The following DDX54 variants were observed in gnomAD, a reference collection of about 807,000 sequenced individuals.
The protein encoded by DDX54 is ATP-dependent RNA helicase DDX54.
DDX54 carries 67 observed loss-of-function variants against 105.5 expected under a neutral mutation model. That is an observed-to-expected ratio of 0.64 (90% CI 0.52 to 0.78). The LOEUF is 0.78. Ranked by LOEUF, DDX54 falls within the 30% of genes least tolerant of loss-of-function variation. DDX54 has a pLI of 0.00. For synonymous variants in DDX54, 514 were observed against 509.9 expected, an observed-to-expected ratio of 1.01 and a Z score of -0.11; for missense variants, 1,206 against 1,230.5, an observed-to-expected ratio of 0.98 and a Z score of 0.30.
At position 113,174,587 on chromosome 12, in the gene DDX54, A is replaced by G. The variant is rs189892353; in HGVS notation, c.1068+53T>C. On this transcript the variant is annotated intron_variant, in intron 10 of 19. Coordinates refer to ENST00000306014, the MANE Select transcript of DDX54 (RefSeq NM_024072.4). Reference sequence around the variant, plus strand: ...CTCTAGTGACTGCACAGGGAACTGCAGCTCCAAACTCCAGCTGAAGGAGGT... The same window carrying G: ...CTCTAGTGACTGCACAGGGAACTGCGGCTCCAAACTCCAGCTGAAGGAGGT... 16 of 1,588,934 alleles carry G rather than the reference A, an allele frequency of 1.0e-5. No individual in the cohort carries two copies. In the African/African-American group the frequency reaches 1.2e-4, roughly 12 times the overall value.
rs1245390436 is a variant in DDX54 at position 113,178,993 on chromosome 12, T to G, written c.598A>C (p.Ile200Leu). 8.7e-6 allele frequency: 14 copies of G among 1,613,942 alleles called. No homozygotes were observed. The highest frequency in any genetic ancestry group is 5.3e-5 in the African/African-American group (4 of 74,896). ...GKFTGLKTAL[I>L]LGGDRMEDQF... Reference sequence around the variant, plus strand: ...GGACCTTACCTGTCTCCACCCAGGATCAGGGCAGTCTTGAGGCCAGTGAAC... The same window carrying G: ...GGACCTTACCTGTCTCCACCCAGGAGCAGGGCAGTCTTGAGGCCAGTGAAC... The change falls in exon 5 of 20, where the codon ATC (isoleucine) becomes CTC (leucine). Residue 200 changes from isoleucine to leucine, a missense_variant. Around this residue, in one of 3 missense-constraint regions of DDX54, gnomAD observed 961 missense variants for 1,019.1 expected, o/e 0.94. Transcript: ENST00000306014.
Position 113,161,879 on chromosome 12 carries a change from G to A in DDX54, c.2300+14C>T. 1 of 1,415,156 alleles carries A rather than the reference G, an allele frequency of 7.1e-7. No individual in the cohort carries two copies. The highest frequency in any genetic ancestry group is 9.4e-7 in the Non-Finnish European group (1 of 1,059,596). The allele number at this position is 1,415,156 out of a possible 1,614,324, so 87.7% of individuals were successfully genotyped here. On this transcript the variant is annotated intron_variant, in intron 18 of 19. Coordinates refer to ENST00000306014, the MANE Select transcript of DDX54 (RefSeq NM_024072.4). ...CTCGGCCCCGCCCCTCCCCAGCCAC[G>A]CCCCTCAGGATACAGGTCTCGCTTG...
rs1264950283 is a variant in DDX54, at chr12:113,177,050, A to G, written c.656+2T>C. ...GGAGTCATCCCCAATCCACAAACTC[A>G]CATGTCGGGATTTTCGTGCAGGGCT... On this transcript the variant is annotated splice_donor_variant, in intron 6 of 19. Coordinates refer to ENST00000306014, the MANE Select transcript of DDX54 (RefSeq NM_024072.4). LOFTEE classifies it high-confidence loss of function. 2 of 1,613,916 alleles carry G rather than the reference A, an allele frequency of 1.2e-6. No individual in the cohort carries two copies. The highest frequency in any genetic ancestry group is 1.7e-5 in the Admixed American group (1 of 59,998).
chr12:113,180,921 G>GGCCAGCCAGGTGTCCCCACAC lies in DDX54; in HGVS notation c.304+7_304+8insGTGTGGGGACACCTGGCTGGC. ...CCCGCAGAGTCCCTGATGCCAAGTT[G>GGCCAGCCAGGTGTCCCCACAC]CACCCACCCATGGACTGGAAGCCTC... On this transcript the variant is annotated splice_region_variant and intron_variant, in intron 2 of 19. Transcript: ENST00000306014. 6.2e-7 allele frequency: 1 copy of GGCCAGCCAGGTGTCCCCACAC among 1,613,108 alleles called. No homozygotes were observed. Among genetic ancestry groups the GGCCAGCCAGGTGTCCCCACAC allele is most frequent in the South Asian group, 1.1e-5 (1 of 90,886 alleles).
intron 7 of DDX54, 113 bp downstream of exon 7, chr12:113,176,727 C>T: frequency 5.1e-6 from 6 of 1,170,084 alleles, no homozygotes; most frequent in Non-Finnish European, 7.4e-6. Flanking sequence ...GAAGACACTG[C>T]TTCGATCTCA....
At chr12:113,176,105 C>T (rs961953038) in intron 7 of DDX54, among the ~76,000 whole-genome samples, 1 of 151,786 alleles carries the variant, frequency 6.6e-6, no homozygotes, top group Non-Finnish European at 1.5e-5. Flanking sequence ...CTGTGAGGTA[C>T]GTGCTACTTT....
In DDX54 at chr12:113,169,698, A is replaced by G. The variant is rs1244263500; in HGVS notation, c.1414+72T>C. Reference sequence around the variant, plus strand: ...TTCTGCTGGGGTCAAACCCAGCCCTACCTCCTCCCACAGCCAAAACAGGGC... The same window carrying G: ...TTCTGCTGGGGTCAAACCCAGCCCTGCCTCCTCCCACAGCCAAAACAGGGC... On this transcript the variant is annotated intron_variant, in intron 12 of 19. Transcript: ENST00000306014. 1.9e-6 allele frequency: 3 copies of G among 1,549,142 alleles called. No individual in the cohort carries two copies. In the African/African-American group the frequency reaches 4.1e-5, roughly 21 times the overall value.
rs534583940 is a variant in DDX54 at position 113,175,263 on chromosome 12, C to T, written c.753-106G>A. ...AACTTCTGCAGTGTCCCAGGGCTTGCCTCACTCTAACTCAGCCCACTCACA... is the reference window on the plus strand; with the variant it reads ...AACTTCTGCAGTGTCCCAGGGCTTGTCTCACTCTAACTCAGCCCACTCACA... On this transcript the variant is annotated intron_variant, in intron 7 of 19. Transcript: ENST00000306014. The T allele has an allele frequency of 1.2e-4, 167 of 1,445,344 alleles. 1 individual carries two copies. The African/African-American group carries it at 2.2e-3, about 19-fold the overall frequency. 89.5% of individuals were successfully genotyped at this position (1,445,344 alleles called of 1,614,324 possible).
chr12:113,169,167 A>C (rs183310982), intron 12 of DDX54, among the ~76,000 whole-genome samples: 27 of 152,246 alleles, frequency 1.8e-4, no homozygotes, highest in Admixed American at 9.8e-4. Context: ...TTCCCAGTAG[A>C]TACCAGAAAT....
rs776420618 is a variant in DDX54 at position 113,163,185 on chromosome 12, C to A, written c.2028G>T (p.Arg676=). The A allele has an allele frequency of 6.2e-7, 1 of 1,612,846 alleles. No individual in the cohort carries two copies. Among genetic ancestry groups the A allele is most frequent in the East Asian group, 2.2e-5 (1 of 44,880 alleles). The change falls in exon 16 of 20, where the codon CGG becomes CGT. Residue 676 remains arginine, a synonymous_variant. Transcript: ENST00000306014. The surrounding 1 kb of genome is among the most constrained non-coding windows in gnomAD (Gnocchi z 5.9). ...AKRRREEARQ[R]DQEFYIPYRP... ...GGTAGGGGATGTAGAATTCCTGGTC[C>A]CGCTGCCGGGCCTCCTCCCTCCGCC...
chr12:113,180,087 G>T, intron 2 of DDX54, 82 bp from the exon 3 acceptor site: 1 of 1,293,938 alleles, frequency 7.7e-7, no homozygotes, highest in Non-Finnish European at 1.1e-6. Context: ...ACAAATGACA[G>T]CTTCATCAAC....
intron 17 of DDX54, among the ~76,000 whole-genome samples, 177 bp from the exon 18 acceptor site, chr12:113,162,174 C>T (rs1291257396): frequency 2.6e-5 from 4 of 152,130 alleles, no homozygotes; most frequent in African/African-American, 9.7e-5. Context: ...TTCCCTATCC[C>T]TCCTCACCTC....
chr12:113,174,684 C>T lies in DDX54; in HGVS notation c.1024G>A (p.Val342Met), dbSNP rs765468745. The change falls in exon 10 of 20, where the codon GTG (valine) becomes ATG (methionine). Residue 342 changes from valine (V) to methionine (M), a missense_variant. This residue lies in a region of DDX54 where 961 missense variants were observed against 1,019.1 expected (regional missense o/e 0.94). Coordinates refer to ENST00000306014, the MANE Select transcript of DDX54 (RefSeq NM_024072.4). The part of the protein sequence containing the change: ...HNVVRPQDQT[V>M]VFVATKHHAE... ...TGGTGCTTCGTGGCCACAAACACCA[C>T]GGTCTGGTCCTGGGGCCGCACCACG... The T allele has an allele frequency of 6.8e-6, 11 of 1,609,832 alleles. No individual in the cohort carries two copies. Among genetic ancestry groups the T allele is most frequent in the South Asian group, 3.3e-5 (3 of 91,018 alleles).
At chr12:113,183,417 G>A (rs1198252597) in intron 1 of DDX54, among the ~76,000 whole-genome samples, 2 of 152,266 alleles carry the variant, frequency 1.3e-5, no homozygotes, top group African/African-American at 4.8e-5. Context: ...CCTACTGTGT[G>A]CCAGGTACTG....
intron 18 of DDX54, among the ~76,000 whole-genome samples, 189 bp downstream of exon 18, chr12:113,161,704 C>A (rs1194421806): frequency 6.6e-6 from 1 of 150,660 alleles, no homozygotes; most frequent in Non-Finnish European, 1.5e-5. Context: ...GTTCGAGATG[C>A]TGCTGCTGAA....
At chr12:113,161,798 C>CCT in intron 18 of DDX54, 95 bp downstream of exon 18, 2 of 173,306 alleles carry the variant, frequency 1.2e-5, no homozygotes, top group Non-Finnish European at 2.3e-5. Flanking sequence ...CCCTCCTCCC[C>CCT]GCCCCCGCCC....
chr12:113,161,441 CCA>C, intron 18 of DDX54, 59 bp from the exon 19 acceptor site: 1 of 1,336,264 alleles, frequency 7.5e-7, no homozygotes, highest in Non-Finnish European at 1.1e-6. Context: ...AGGCTCCTCC[CCA>C]CACTGCCCCA....
chr12:113,184,706 GT>G (rs1952506022), intron 1 of DDX54, among the ~76,000 whole-genome samples: 1 of 152,126 alleles, frequency 6.6e-6, no homozygotes, highest in African/African-American at 2.4e-5. Flanking sequence ...CATGTCTGTG[GT>G]CTCAGCTACC....
chr12:113,174,472 G>A (rs559387694), intron 10 of DDX54, among the ~76,000 whole-genome samples, 168 bp downstream of exon 10: 32 of 152,300 alleles, frequency 2.1e-4, no homozygotes, highest in African/African-American at 7.5e-4. Flanking sequence ...GGATGGCAGA[G>A]CGAGGCTCCG....
Sources: allele counts gnomAD v4.1 joint callset (sites outside exome capture counted in the v4.1 genomes callset), GRCh38; gene constraint gnomAD v4.1.1; regional missense constraint gnomAD v4.1.1; non-coding constraint Gnocchi (gnomAD v3.1); transcripts MANE v1.5; gene names NCBI Gene and HGNC (gene_info 2026-07-23, HGNC 2026-07-21).